Variants in LYSMD1 observed in about 807,000 individuals in gnomAD.
The protein encoded by LYSMD1 is lysM and putative peptidoglycan-binding domain-containing protein 1.
A neutral mutation model predicts 19.3 loss-of-function variants in LYSMD1; 9 were observed. The ratio of observed to expected loss-of-function variants is 0.47; its 90% CI spans 0.28 to 0.81. LYSMD1 has a LOEUF of 0.81. Among genes scored for constraint, LYSMD1 ranks in the 40% least tolerant of loss-of-function variants. The probability of loss-of-function intolerance (pLI) is 0.11; values close to 1 mark genes in which losing one functional copy is unlikely to be tolerated. For synonymous variants in LYSMD1, 111 were observed against 111.7 expected (o/e 0.99, Z 0.04); for missense variants, 262 against 279.8 (o/e 0.94, Z 0.45).
At position 151,165,291 on chromosome 1, in the gene LYSMD1, T is replaced by C. The variant is rs1207984031; in HGVS notation, c.-33A>G. On this transcript the variant is annotated 5_prime_UTR_variant, in exon 1 of 3. Coordinates refer to ENST00000368908, the MANE Select transcript of LYSMD1 (RefSeq NM_212551.5). ...CCCTGCCAACAGCTAAGGTTGCAAC[T>C]AGGGGAGGTACGACCGAGACTGCGA... 6 of 1,597,824 alleles carry C rather than the reference T, an allele frequency of 3.8e-6. No homozygotes were observed. The highest frequency in any genetic ancestry group is 5.1e-6 in the Non-Finnish European group (6 of 1,170,568).
At chr1:151,164,997 G>T (rs2101695692) in intron 1 of LYSMD1, 82 bp downstream of exon 1, 2 of 1,221,184 alleles carry the variant, frequency 1.6e-6, no homozygotes, top group Middle Eastern at 2.0e-4. Flanking sequence ...TTCAGGGGAG[G>T]TTACCTAGAA....
chr1:151,158,782 C>G, downstream of LYSMD1: 1 of 1,614,060 alleles, frequency 6.2e-7, no homozygotes, highest in Non-Finnish European at 8.5e-7. Context: ...TGTGGCTCAT[C>G]TCTTCATAGA....
At chr1:151,158,617 G>A, downstream of LYSMD1, 1 of 1,297,884 alleles carries the variant, frequency 7.7e-7, no homozygotes, top group Non-Finnish European at 1.1e-6. Flanking sequence ...AACAGAAAAG[G>A]GAAAAGCCAT....
chr1:151,151,595 G>T, the LYSMD1 span, among the ~76,000 whole-genome samples: 3 of 151,456 alleles, frequency 2.0e-5, no homozygotes, highest in African/African-American at 7.3e-5. Context: ...TTGCTTATTG[G>T]ATACTTCCAT....
rs587674416 is a variant in LYSMD1 at position 151,161,911 on chromosome 1, T to C, written c.370A>G (p.Lys124Glu). ...CGTCCTGCTCCTGTCTCTTGTTTCT[T>C]CCTCTCAGTTGAGTGTGGCCAAACT... ...SEVWPHSTER[K>E]KQETGAGRAN... The change falls in exon 2 of 3, where the codon AAG becomes GAG. Residue 124 changes from lysine to glutamate, a missense_variant. Coordinates refer to ENST00000368908, the MANE Select transcript of LYSMD1 (RefSeq NM_212551.5). 2 of 1,614,118 alleles carry C rather than the reference T, an allele frequency of 1.2e-6. No individual in the cohort carries two copies. The highest frequency in any genetic ancestry group is 2.2e-5 in the South Asian group (2 of 91,084).
At chr1:151,155,788 A>G (rs2101677269), downstream of LYSMD1, among the ~76,000 whole-genome samples, 1 of 152,152 alleles carries the variant, frequency 6.6e-6, no homozygotes, top group South Asian at 2.1e-4. Context: ...TTTAGCAGCT[A>G]CAAAGTAGCT....
Position 151,165,615 on chromosome 1 carries a change from A to T in LYSMD1, c.-357T>A. 1.3e-6 allele frequency: 2 copies of T among 1,531,580 alleles called. No individual in the cohort carries two copies. Among genetic ancestry groups the T allele is most frequent in the Middle Eastern group, 1.7e-4 (1 of 5,806 alleles). 94.9% of individuals were successfully genotyped at this position (1,531,580 alleles called of 1,614,324 possible). A position where few individuals can be genotyped will look rare whatever the true frequency, so the allele number is the denominator to read the frequency against. ...GTTTGCCCCCAAGTAGCCTGGCCTC[A>T]GGGCGCTCCAACATCCCAGCTCTCC... On this transcript the variant is annotated 5_prime_UTR_variant, in exon 1 of 3. Transcript: ENST00000368908.
chr1:151,152,566 G>A, the LYSMD1 span, among the ~76,000 whole-genome samples: 1 of 136,858 alleles, frequency 7.3e-6, no homozygotes, highest in Non-Finnish European at 1.6e-5. Context: ...CGGGCGTGGG[G>A]GTGCGCGCCT....
At chr1:151,156,101 A>C (rs1683213049), downstream of LYSMD1, among the ~76,000 whole-genome samples, 1 of 47,108 alleles carries the variant, frequency 2.1e-5, no homozygotes, top group African/African-American at 1.5e-4. Context: ...ACTCTGTCTC[A>C]AAAAAAAAAA....
downstream of LYSMD1, among the ~76,000 whole-genome samples, chr1:151,155,140 A>G (rs1683191341): frequency 6.6e-6 from 1 of 152,184 alleles, no homozygotes; most frequent in African/African-American, 2.4e-5. Context: ...CATTCCAGAC[A>G]TAAATCACCA....
the LYSMD1 span, among the ~76,000 whole-genome samples, chr1:151,154,496 A>G: frequency 5.5e-5 from 8 of 146,780 alleles, no homozygotes; most frequent in East Asian, 1.7e-3. Flanking sequence ...AAAAGAAAGA[A>G]AGAGAGAGAG....
chr1:151,161,512 T>A (rs587660307), intron 2 of LYSMD1, among the ~76,000 whole-genome samples: 21 of 146,440 alleles, frequency 1.4e-4, no homozygotes, highest in Non-Finnish European at 2.7e-4. Context: ...AAAAAAAAAA[T>A]AGTTAACTGT....
At chr1:151,161,263 C>G (rs887469552) in intron 2 of LYSMD1, among the ~76,000 whole-genome samples, 14 of 152,112 alleles carry the variant, frequency 9.2e-5, no homozygotes, top group Non-Finnish European at 1.9e-4. Flanking sequence ...TTTGGGAGGC[C>G]GAGGCTGGCG....
chr1:151,158,699 T>C (rs758698108), downstream of LYSMD1: 1 of 1,596,146 alleles, frequency 6.3e-7, no homozygotes, highest in Admixed American at 1.7e-5. Flanking sequence ...CCAGGACCCA[T>C]GGAGTCCTTC....
rs1327101898 is a variant in LYSMD1, at chr1:151,165,161, G to T, written c.98C>A (p.Ser33Tyr). Residue 33 changes from serine (S) to tyrosine (Y), a missense_variant, in exon 1 of 3, where the codon TCC (serine) becomes TAC (tyrosine). Transcript: ENST00000368908. Reference protein sequence around the residue: ...SYGSLVQSACSPVRERRLEHQ... With the variant: ...SYGSLVQSACYPVRERRLEHQ... ...CTCCAGGCGTCTTTCCCTCACTGGG[G>T]AGCAGGCCGATTGCACCAGGCTTCC... 6.2e-7 allele frequency: 1 copy of T among 1,614,070 alleles called. No homozygotes were observed. Among genetic ancestry groups the T allele is most frequent in the Admixed American group, 1.7e-5 (1 of 60,006 alleles).
chr1:151,150,393 T>C, the LYSMD1 span, among the ~76,000 whole-genome samples: 1 of 152,260 alleles, frequency 6.6e-6, no homozygotes, highest in East Asian at 1.9e-4. Context: ...TTCTCTTCCC[T>C]TCATAACTAA....
intron 1 of LYSMD1, among the ~76,000 whole-genome samples, chr1:151,164,505 T>C (rs1400646122): frequency 2.0e-5 from 3 of 152,170 alleles, no homozygotes; most frequent in Non-Finnish European, 4.4e-5. Flanking sequence ...TGACCTGAAA[T>C]ACTTGGTGTA....
chr1:151,151,929 TAAA>T, the LYSMD1 span, among the ~76,000 whole-genome samples: 3 of 129,170 alleles, frequency 2.3e-5, no homozygotes, highest in Admixed American at 7.9e-5. Context: ...AACTCCATCT[TAAA>T]AAAAAAAAAA....
In LYSMD1 at chr1:151,165,790, G is replaced by C. The variant is rs1683664782; in HGVS notation, c.-532C>G. The C allele has an allele frequency of 1.3e-6, 2 of 1,550,680 alleles. No individual in the cohort carries two copies. Among genetic ancestry groups the C allele is most frequent in the African/African-American group, 1.4e-5 (1 of 73,012 alleles). On this transcript the variant is annotated 5_prime_UTR_variant, in exon 1 of 3. Coordinates refer to ENST00000368908, the MANE Select transcript of LYSMD1 (RefSeq NM_212551.5). ...CAAAGGTCCGCTCCGCATAAGATAGGTCACACCCTCAAATTTCGGCTCCAC... is the reference window on the plus strand; with the variant it reads ...CAAAGGTCCGCTCCGCATAAGATAGCTCACACCCTCAAATTTCGGCTCCAC...
Sources: gnomAD v4.1 joint callset for allele counts (sites outside exome capture counted in the v4.1 genomes callset) on GRCh38, gnomAD v4.1.1 for gene constraint, MANE v1.5 for transcripts, NCBI Gene and HGNC (gene_info 2026-07-23, HGNC 2026-07-21) for gene names.